The following SEC11A variants were observed in gnomAD, a reference collection of about 807,000 sequenced individuals.
SEC11A encodes the protein SEC11 homolog A, signal peptidase complex subunit.
Under a neutral mutation model 25.6 loss-of-function variants are expected in SEC11A, and 14 were observed. The ratio of observed to expected loss-of-function variants is 0.55; its 90% CI spans 0.36 to 0.85. The LOEUF (loss-of-function observed/expected upper bound fraction) is 0.85. SEC11A is among the 40% of genes least tolerant of loss of function. SEC11A has a pLI of 0.01. For missense variants in SEC11A, 153 were observed against 222.9 expected (o/e 0.69, Z 2.00); for synonymous variants, 83 against 76.4 (o/e 1.09, Z -0.45).
chr15:84,686,339 A>T lies in SEC11A; in HGVS notation c.311+1286T>A, dbSNP rs1897420672. Reference sequence around the variant, plus strand: ...TCAAGAACTGAAATCCACCAGGTGCAATGGCTCATGCCTGTAATCCCAGCA... The same window carrying T: ...TCAAGAACTGAAATCCACCAGGTGCTATGGCTCATGCCTGTAATCCCAGCA... On this transcript the variant is annotated intron_variant, in intron 3 of 5. Coordinates refer to ENST00000268220, the MANE Select transcript of SEC11A (RefSeq NM_014300.4). 2.6e-5 allele frequency among the ~76,000 whole-genome samples: 4 copies of T among 152,184 alleles called. No homozygotes were observed. The South Asian group carries it at 8.3e-4, about 31-fold the overall frequency.
At chr15:84,707,608 C>CT (rs1247096072) in intron 1 of SEC11A, among the ~76,000 whole-genome samples, 1 of 152,080 alleles carries the variant, frequency 6.6e-6, no homozygotes, top group Admixed American at 6.6e-5. Context: ...GAGTAGACAC[C>CT]TTAAGTGTTT....
intron 1 of SEC11A, among the ~76,000 whole-genome samples, chr15:84,708,349 A>G (rs1898160965): frequency 6.6e-6 from 1 of 152,088 alleles, no homozygotes; most frequent in Non-Finnish European, 1.5e-5. Flanking sequence ...ATTCATTAAT[A>G]AATGTTGATA....
intron 4 of SEC11A, among the ~76,000 whole-genome samples, chr15:84,678,201 G>A (rs1327538799): frequency 6.6e-6 from 1 of 150,836 alleles, no homozygotes; most frequent in Non-Finnish European, 1.5e-5. Flanking sequence ...TCCAGCCTGG[G>A]CAAAAGAGCA....
At chr15:84,691,462 A>T in intron 2 of SEC11A, 73 bp downstream of exon 2, 1 of 809,190 alleles carries the variant, frequency 1.2e-6, no homozygotes, top group Non-Finnish European at 2.1e-6. Flanking sequence ...ATGATATGCC[A>T]GTTATTTCAT....
intron 4 of SEC11A, among the ~76,000 whole-genome samples, chr15:84,678,760 A>T (rs1259976675): frequency 6.6e-6 from 1 of 152,134 alleles, no homozygotes; most frequent in Admixed American, 6.6e-5. Context: ...TGAGAGGCCA[A>T]GACAGGTGGA....
chr15:84,711,095 A>G (rs1280220450), intron 1 of SEC11A, among the ~76,000 whole-genome samples: 1 of 151,384 alleles, frequency 6.6e-6, no homozygotes, highest in Non-Finnish European at 1.5e-5. Context: ...TGCTCATATT[A>G]AGGCTGGGCG....
chr15:84,689,609 C>CTTTTTTTTT (rs11316103), intron 2 of SEC11A, among the ~76,000 whole-genome samples: 1 of 122,556 alleles, frequency 8.2e-6, no homozygotes. Flanking sequence ...TCTTTTCTTT[C>CTTTTTTTTT]TTTTTTTTTT....
intron 3 of SEC11A, among the ~76,000 whole-genome samples, chr15:84,684,522 A>T (rs2141884784): frequency 6.6e-6 from 1 of 152,268 alleles, no homozygotes; most frequent in East Asian, 1.9e-4. Flanking sequence ...AGTCTCAGGT[A>T]TGTCTTTATT....
rs971617111 is a variant in SEC11A at position 84,670,997 on chromosome 15, C to G, written c.432-215G>C. 3 of 385,288 alleles carry G rather than the reference C, an allele frequency of 7.8e-6. No individual in the cohort carries two copies. The East Asian group carries it at 1.4e-4, about 18-fold the overall frequency. 23.9% of individuals were successfully genotyped at this position (385,288 alleles called of 1,614,324 possible). A position where few individuals can be genotyped will look rare whatever the true frequency, so the allele number is the denominator to read the frequency against. On this transcript the variant is annotated intron_variant, in intron 4 of 5. Transcript: ENST00000268220. ...AGATGAGGAAACAGATGATCATGCCCAAGGTACATGGTTTCTGTGTGGCAG... is the reference window on the plus strand; with the variant it reads ...AGATGAGGAAACAGATGATCATGCCGAAGGTACATGGTTTCTGTGTGGCAG...
chr15:84,709,401 AT>A (rs1164654633), intron 1 of SEC11A, among the ~76,000 whole-genome samples: 10 of 152,062 alleles, frequency 6.6e-5, no homozygotes, highest in African/African-American at 2.4e-4. Context: ...TAGTGTTAAT[AT>A]TCTTATGTTA....
At chr15:84,702,184 G>T (rs1370520892) in intron 1 of SEC11A, among the ~76,000 whole-genome samples, 1 of 151,696 alleles carries the variant, frequency 6.6e-6, no homozygotes, top group Non-Finnish European at 1.5e-5. Flanking sequence ...TTTTTGGCTG[G>T]GCGCAGTGGC....
chr15:84,703,340 A>C (rs920483491), intron 1 of SEC11A, among the ~76,000 whole-genome samples: 2 of 152,202 alleles, frequency 1.3e-5, no homozygotes, highest in South Asian at 4.1e-4. Context: ...AGTGGTATAC[A>C]GAAGACTGGG....
At chr15:84,680,466 C>T (rs1172029397) in intron 4 of SEC11A, among the ~76,000 whole-genome samples, 1 of 152,144 alleles carries the variant, frequency 6.6e-6, no homozygotes, top group Admixed American at 6.6e-5. Flanking sequence ...ATTGTCACAT[C>T]CAATTCACCA....
intron 4 of SEC11A, chr15:84,671,013 T>C: frequency 2.9e-6 from 1 of 343,238 alleles, no homozygotes; most frequent in Non-Finnish European, 5.3e-6. Flanking sequence ...ACATGGTTTC[T>C]GTGTGGCAGA....
chr15:84,675,612 A>C (rs1469500207), intron 4 of SEC11A, among the ~76,000 whole-genome samples: 1 of 152,154 alleles, frequency 6.6e-6, no homozygotes, highest in Non-Finnish European at 1.5e-5. Flanking sequence ...CAGAGAGCTC[A>C]ATTACTCTAC....
At chr15:84,679,756 A>C (rs1897235774) in intron 4 of SEC11A, among the ~76,000 whole-genome samples, 1 of 152,232 alleles carries the variant, frequency 6.6e-6, no homozygotes, top group African/African-American at 2.4e-5. Flanking sequence ...ATGTTTCCTC[A>C]TCTGTAGAAT....
chr15:84,706,070 A>G (rs912761720), intron 1 of SEC11A, among the ~76,000 whole-genome samples: 1 of 151,542 alleles, frequency 6.6e-6, no homozygotes, highest in Non-Finnish European at 1.5e-5. Flanking sequence ...ACAATGTCCA[A>G]AAATTTTTTT....
chr15:84,712,510 C>T (rs1436500120), intron 1 of SEC11A, among the ~76,000 whole-genome samples: 4 of 147,428 alleles, frequency 2.7e-5, no homozygotes, highest in South Asian at 2.1e-4. Context: ...TGCAGTGGTG[C>T]GATCTGGGCT....
intron 3 of SEC11A, among the ~76,000 whole-genome samples, chr15:84,687,174 T>G (rs991293131): frequency 1.3e-5 from 2 of 151,956 alleles, no homozygotes; most frequent in African/African-American, 4.8e-5. Context: ...GCCTGGCCTT[T>G]TTTGGTTTTG....
Sources: allele counts gnomAD v4.1 joint callset (sites outside exome capture counted in the v4.1 genomes callset), GRCh38; gene constraint gnomAD v4.1.1; transcripts MANE v1.5; gene names NCBI Gene and HGNC (gene_info 2026-07-23, HGNC 2026-07-21).